Variants in NTM observed in about 807,000 individuals in gnomAD.
NTM encodes the protein neurotrimin, also known as IgLON family member 2.
Under a neutral mutation model 42.1 loss-of-function variants are expected in NTM, and 13 were observed. The observed-to-expected ratio is 0.31, with a 90% CI of 0.20 to 0.49. The LOEUF (loss-of-function observed/expected upper bound fraction) is 0.49. Ranked by LOEUF, NTM falls within the 20% of genes least tolerant of loss-of-function variation. The pLI, the probability that NTM is intolerant of heterozygous loss-of-function variation, is 0.99. For missense variants in NTM, 373 were observed against 452.8 expected, an observed-to-expected ratio of 0.82 and a Z score of 1.60; for synonymous variants, 187 against 179.2, an observed-to-expected ratio of 1.04 and a Z score of -0.35.
intron 3 of NTM, among the ~76,000 whole-genome samples, chr11:132,152,187 GC>G (rs1381441329): frequency 1.3e-5 from 2 of 152,202 alleles, no homozygotes; most frequent in Non-Finnish European, 2.9e-5. Flanking sequence ...TGAAAGCAAA[GC>G]TTTCTGCCTC....
At chr11:132,099,805 A>G (rs2061427574) in intron 2 of NTM, among the ~76,000 whole-genome samples, 1 of 152,162 alleles carries the variant, frequency 6.6e-6, no homozygotes, top group Non-Finnish European at 1.5e-5. Context: ...TTTCTCACAT[A>G]AAAAGCATTG....
At position 131,598,081 on chromosome 11, in the gene NTM, C is replaced by T. The variant is rs542579435; in HGVS notation, c.82+227193C>T. On this transcript the variant is annotated intron_variant, in intron 1 of 8. Transcript: ENST00000683400. ...CATGGAGGAGCAGGGCAAGGGGTCC[C>T]CTGGGGACTGAGCTCAGACCCTGCC... 2.1e-3 allele frequency among the ~76,000 whole-genome samples: 315 copies of T among 152,278 alleles called. 2 individuals carry two copies. The highest frequency in any genetic ancestry group is 7.4e-3 in the African/African-American group (309 of 41,570).
chr11:131,914,388 C>T (rs554123), intron 2 of NTM, among the ~76,000 whole-genome samples: 104,886 of 151,930 alleles, frequency 0.69, 36,388 homozygotes, highest in Middle Eastern at 0.81. Context: ...CCAGAGCACC[C>T]GTGCTCTGGC....
chr11:132,219,633 C>T (rs1052268892), intron 4 of NTM, among the ~76,000 whole-genome samples: 1 of 151,968 alleles, frequency 6.6e-6, no homozygotes, highest in African/African-American at 2.4e-5. Context: ...AGGCCCTCCC[C>T]CCCCACTGTC....
rs75982455 is a variant in NTM at position 131,793,953 on chromosome 11, T to C, written c.83-117611T>C. Among the ~76,000 whole-genome samples the C allele has an allele frequency of 2.9e-3, 440 of 152,298 alleles. 6 individuals are homozygous for C. The highest frequency in any genetic ancestry group is 0.01 in the African/African-American group (418 of 41,560). ...AGAACGACTAGAGTGCTGGAGGGAT[T>C]GACTGGTGAGATAAGATTAAAAGAC... is the stretch of plus-strand genomic sequence containing the variant. On this transcript the variant is annotated intron_variant, in intron 1 of 8. Coordinates refer to ENST00000683400, the MANE Select transcript of NTM (RefSeq NM_001352005.2).
chr11:131,494,300 A>G (rs547133252), intron 1 of NTM, among the ~76,000 whole-genome samples: 12 of 152,270 alleles, frequency 7.9e-5, no homozygotes, highest in Non-Finnish European at 1.2e-4. Context: ...AGGAGCTATG[A>G]TCAGGTTGTG....
intron 1 of NTM, among the ~76,000 whole-genome samples, chr11:131,758,488 C>T (rs1373492312): frequency 6.6e-6 from 1 of 152,204 alleles, no homozygotes; most frequent in Admixed American, 6.5e-5. Flanking sequence ...ATAACTGTCC[C>T]CAAACTTACC....
chr11:131,789,515 GAA>G lies in NTM; in HGVS notation c.83-122048_83-122047del, dbSNP rs2090172286. ...GAGGAAAGAAGAAGAAGAAGAAGAA[GAA>G]GAAGAAGAAGAAGAAGAAGAAGAAG... On this transcript the variant is annotated intron_variant, in intron 1 of 8. Transcript: ENST00000683400. Among the ~76,000 whole-genome samples the G allele has an allele frequency of 1.2e-4, 2 of 16,754 alleles. 1 individual carries two copies. The highest frequency in any genetic ancestry group is 6.1e-4 in the African/African-American group (2 of 3,268). The allele number at this position is 16,754 out of a possible 152,430, so 11.0% of individuals were successfully genotyped here.
intron 1 of NTM, among the ~76,000 whole-genome samples, chr11:131,585,897 G>A (rs963062866): frequency 9.2e-5 from 14 of 152,126 alleles, no homozygotes; most frequent in East Asian, 5.8e-4. Flanking sequence ...CCCTGCCCAC[G>A]CAGATTCTCA....
intron 1 of NTM, among the ~76,000 whole-genome samples, chr11:131,608,118 T>C (rs949608402): frequency 5.3e-5 from 8 of 152,168 alleles, no homozygotes; most frequent in Non-Finnish European, 8.8e-5. Flanking sequence ...CATTGTTCAA[T>C]TCCCACCTAT....
chr11:132,082,155 G>T (rs2059152536), intron 2 of NTM, among the ~76,000 whole-genome samples: 1 of 151,974 alleles, frequency 6.6e-6, no homozygotes, highest in South Asian at 2.1e-4. Context: ...CATCCCTAAA[G>T]AATTGATGGT....
At chr11:131,796,695 TG>T (rs1192872350) in intron 1 of NTM, among the ~76,000 whole-genome samples, 7 of 152,216 alleles carry the variant, frequency 4.6e-5, no homozygotes, top group Admixed American at 3.9e-4. Context: ...ATCAAGAACG[TG>T]GGATGGCCTC....
At chr11:131,956,992 C>G (rs2061626095) in intron 2 of NTM, among the ~76,000 whole-genome samples, 1 of 152,128 alleles carries the variant, frequency 6.6e-6, no homozygotes, top group East Asian at 1.9e-4. Context: ...TACATTGTGT[C>G]CTCTGTGCTA....
At chr11:132,156,413 T>C (rs2073202557) in intron 3 of NTM, among the ~76,000 whole-genome samples, 1 of 152,216 alleles carries the variant, frequency 6.6e-6, no homozygotes, top group African/African-American at 2.4e-5. Context: ...GCCATTTCCA[T>C]AGAGAACTTT....
intron 1 of NTM, among the ~76,000 whole-genome samples, chr11:131,688,497 A>C (rs555095721): frequency 1.3e-5 from 2 of 152,294 alleles, no homozygotes; most frequent in South Asian, 4.2e-4. Context: ...CAAAACCCCA[A>C]AGGCGTTAAG....
intron 1 of NTM, chr11:131,877,750 C>T (rs549206960): frequency 2.0e-5 from 3 of 152,304 alleles, no homozygotes; most frequent in East Asian, 1.9e-4. Context: ...CATCTTTCTA[C>T]TGCCCTGTTG....
At chr11:131,539,144 G>A (rs989645383) in intron 1 of NTM, 24 of 151,968 alleles carry the variant, frequency 1.6e-4, no homozygotes, top group African/African-American at 5.8e-4. Context: ...GTTCTACAAT[G>A]TTGCTCAGGT....
intron 1 of NTM, among the ~76,000 whole-genome samples, chr11:131,530,607 T>A (rs1303969212): frequency 6.6e-6 from 1 of 152,164 alleles, no homozygotes; most frequent in African/African-American, 2.4e-5. Context: ...GGACTCCAAC[T>A]ACATGCCAAG....
At chr11:131,774,433 TA>T (rs1257060398) in intron 1 of NTM, among the ~76,000 whole-genome samples, 3 of 152,238 alleles carry the variant, frequency 2.0e-5, no homozygotes, top group Non-Finnish European at 4.4e-5. Flanking sequence ...CCCTTTGCCA[TA>T]ATTCTTTTTG....
Sources: gnomAD v4.1 joint callset for allele counts (sites outside exome capture counted in the v4.1 genomes callset) on GRCh38, gnomAD v4.1.1 for gene constraint, MANE v1.5 for transcripts, NCBI Gene and HGNC (gene_info 2026-07-23, HGNC 2026-07-21) for gene names.